Variants in BCAS1 observed in about 807,000 individuals in gnomAD.
BCAS1 encodes the protein brain enriched myelin associated protein 1.
A neutral mutation model predicts 65.4 loss-of-function variants in BCAS1; 46 were observed. That is an observed-to-expected ratio of 0.70 (90% CI 0.55 to 0.90). BCAS1 has a LOEUF of 0.90. Among genes scored for constraint, BCAS1 ranks in the 40% least tolerant of loss-of-function variants. The pLI is 0.00. For synonymous variants in BCAS1, 298 were observed against 293.5 expected (o/e 1.02, Z -0.16); for missense variants, 793 against 771.2 (o/e 1.03, Z -0.33).
chr20:54,021,755 G>A (rs901245092), intron 4 of BCAS1, among the ~76,000 whole-genome samples: 2 of 152,084 alleles, frequency 1.3e-5, no homozygotes, highest in Non-Finnish European at 2.9e-5. Flanking sequence ...AGAGCATCAG[G>A]AAAAATAGCT....
intron 9 of BCAS1, 99 bp from the exon 10 acceptor site, chr20:53,967,172 G>A: frequency 8.1e-7 from 1 of 1,235,192 alleles, no homozygotes. Flanking sequence ...TGTCCACATA[G>A]TAGCTACAGT....
At chr20:54,049,778 T>C (rs1336028163) in intron 3 of BCAS1, among the ~76,000 whole-genome samples, 1 of 152,198 alleles carries the variant, frequency 6.6e-6, no homozygotes, top group Non-Finnish European at 1.5e-5. Context: ...GCTGCTGTTT[T>C]TAGAGCTCCC....
intron 4 of BCAS1, among the ~76,000 whole-genome samples, chr20:54,019,245 C>T (rs539350785): frequency 6.6e-6 from 1 of 152,296 alleles, no homozygotes; most frequent in East Asian, 1.9e-4. Flanking sequence ...GAAAATTGAG[C>T]TACCTTGTTA....
At chr20:54,001,724 G>A (rs190341900) in intron 4 of BCAS1, among the ~76,000 whole-genome samples, 3 of 152,278 alleles carry the variant, frequency 2.0e-5, no homozygotes, top group Admixed American at 6.5e-5. Context: ...ATTTTGGGGG[G>A]AAGCTGATTT....
At chr20:54,067,066 A>G (rs1331393524) in intron 1 of BCAS1, among the ~76,000 whole-genome samples, 4 of 152,254 alleles carry the variant, frequency 2.6e-5, no homozygotes, top group Admixed American at 1.3e-4. Flanking sequence ...CAAGGAATAT[A>G]TATGGTACAA....
chr20:54,019,779 C>T (rs2091517882), intron 4 of BCAS1, among the ~76,000 whole-genome samples: 1 of 152,192 alleles, frequency 6.6e-6, no homozygotes, highest in South Asian at 2.1e-4. Context: ...GGACGTTAGA[C>T]TCCAGGTACT....
At position 53,975,350 on chromosome 20, in the gene BCAS1, T is replaced by TGAGAATGGA. The variant is rs754826644; in HGVS notation, c.1317+30_1317+38dup. ...CCCAATTGTACAACATGGCGGAAGA[T>TGAGAATGGA]GAGAATGGAATGATTCTGCCGTGGT... is the stretch of plus-strand genomic sequence containing the variant. On this transcript the variant is annotated intron_variant, in intron 9 of 12. Coordinates refer to ENST00000688948, the MANE Select transcript of BCAS1 (RefSeq NM_001366298.2). 1.4e-4 allele frequency: 214 copies of TGAGAATGGA among 1,583,996 alleles called. No homozygotes were observed. The African/African-American group carries it at 2.6e-3, about 19-fold the overall frequency.
chr20:53,970,885 C>T (rs550534010), intron 9 of BCAS1, among the ~76,000 whole-genome samples: 7 of 151,912 alleles, frequency 4.6e-5, no homozygotes, highest in African/African-American at 1.7e-4. Context: ...TTTGATAGGA[C>T]TTTTAATGTG....
intron 7 of BCAS1, among the ~76,000 whole-genome samples, chr20:53,992,185 T>C (rs765531325): frequency 1.3e-5 from 2 of 152,220 alleles, no homozygotes; most frequent in Non-Finnish European, 2.9e-5. Flanking sequence ...AATAGGTCAA[T>C]TTCAATGTAA....
rs367757394 is a variant in BCAS1 at position 53,995,981 on chromosome 20, G to C, written c.793C>G (p.Pro265Ala). 2 of 1,612,994 alleles carry C rather than the reference G, an allele frequency of 1.2e-6. No homozygotes were observed. The highest frequency in any genetic ancestry group is 2.7e-5 in the African/African-American group (2 of 74,860). The change falls in exon 5 of 13, where the codon CCA becomes GCA. Residue 265 changes from proline (P) to alanine (A), a missense_variant. By Grantham distance (27) the Pro-to-Ala change is conservative. Transcript: ENST00000688948. The part of the protein sequence containing the change: ...GTADCSVPGD[P>A]EGLETAKDDS... Reference sequence around the variant, plus strand: ...TCCTTTGCAGTCTCCAGTCCTTCTGGGTCCCCAGGGACAGAGCAATCCGCA... The same window carrying C: ...TCCTTTGCAGTCTCCAGTCCTTCTGCGTCCCCAGGGACAGAGCAATCCGCA...
intron 8 of BCAS1, 30 bp downstream of exon 8, chr20:53,985,257 G>A (rs750198731): frequency 8.1e-6 from 13 of 1,604,372 alleles, no homozygotes; most frequent in Middle Eastern, 2.2e-4. Context: ...CCGCCCGGAC[G>A]ACTCTCTAAC....
chr20:53,962,783 G>C (rs2089916469), intron 10 of BCAS1, among the ~76,000 whole-genome samples: 1 of 152,168 alleles, frequency 6.6e-6, no homozygotes, highest in Non-Finnish European at 1.5e-5. Flanking sequence ...TGAATGCACT[G>C]TTAGGACTTA....
intron 9 of BCAS1, among the ~76,000 whole-genome samples, chr20:53,968,833 T>A (rs1196408572): frequency 1.3e-5 from 2 of 152,170 alleles, no homozygotes; most frequent in Non-Finnish European, 2.9e-5. Context: ...AAATGCTGGA[T>A]TGGCCAAACA....
chr20:53,981,283 T>C (rs1396826643), intron 8 of BCAS1, among the ~76,000 whole-genome samples: 7 of 152,194 alleles, frequency 4.6e-5, no homozygotes. Flanking sequence ...GCTTCCATAA[T>C]TGCCCAGACA....
chr20:53,983,246 A>G (rs917170186), intron 8 of BCAS1, among the ~76,000 whole-genome samples: 1 of 152,210 alleles, frequency 6.6e-6, no homozygotes, highest in Non-Finnish European at 1.5e-5. Flanking sequence ...CGGCCTGGTT[A>G]GTTCTTCAGC....
chr20:53,958,485 T>C (rs895159327), intron 10 of BCAS1, among the ~76,000 whole-genome samples: 23 of 152,208 alleles, frequency 1.5e-4, no homozygotes, highest in Admixed American at 4.6e-4. Flanking sequence ...ATTCCACTGT[T>C]ATTTATGGCC....
chr20:54,054,447 C>T (rs2092266797), intron 3 of BCAS1, among the ~76,000 whole-genome samples: 1 of 152,170 alleles, frequency 6.6e-6, no homozygotes, highest in South Asian at 2.1e-4. Context: ...AAATAATTCT[C>T]TCTGAAGGAC....
At chr20:54,058,595 T>TTTC in intron 2 of BCAS1, 52 bp downstream of exon 2, 1 of 909,062 alleles carries the variant, frequency 1.1e-6, no homozygotes, top group Non-Finnish European at 1.4e-6. Flanking sequence ...AGGAAGTTCT[T>TTTC]TTTTTTTTTT....
intron 3 of BCAS1, among the ~76,000 whole-genome samples, chr20:54,051,878 A>T (rs2092220888): frequency 6.6e-6 from 1 of 152,048 alleles, no homozygotes; most frequent in African/African-American, 2.4e-5. Context: ...AGCTGGGATT[A>T]CAGACGTGTG....
Sources: gnomAD v4.1 joint callset for allele counts (sites outside exome capture counted in the v4.1 genomes callset) on GRCh38, gnomAD v4.1.1 for gene constraint, MANE v1.5 for transcripts, NCBI Gene and HGNC (gene_info 2026-07-23, HGNC 2026-07-21) for gene names.